Variants in VARS1 observed in about 807,000 individuals in gnomAD.
VARS1 encodes valyl-tRNA synthetase 1.
VARS1 carries 92 observed loss-of-function variants against 161.0 expected under a neutral mutation model. The observed-to-expected ratio is 0.57, with a 90% CI of 0.48 to 0.68. The LOEUF is 0.68. Ranked by LOEUF, VARS1 falls within the 30% of genes least tolerant of loss-of-function variation. VARS1 has a pLI of 0.00. For synonymous variants in VARS1, 595 were observed against 682.5 expected (o/e 0.87, Z 2.00); for missense variants, 1,338 against 1,695.9 (o/e 0.79, Z 3.71).
Position 31,792,199 on chromosome 6 carries a change from C to G in VARS1, c.871+18G>C. ...AGAAGGGGCTGCTGAGGGGTGAGCC[C>G]CTTCCCACTCCTAGTACCTTTCTTT... On this transcript the variant is annotated intron_variant, in intron 6 of 29. Coordinates refer to ENST00000375663, the MANE Select transcript of VARS1 (RefSeq NM_006295.3). 1 of 1,612,286 alleles carries G rather than the reference C, an allele frequency of 6.2e-7. No homozygotes were observed. The highest frequency in any genetic ancestry group is 1.1e-5 in the South Asian group (1 of 90,984).
intron 13 of VARS1, 37 bp from the exon 14 acceptor site, chr6:31,783,223 G>A (rs745517949): frequency 6.3e-7 from 1 of 1,599,968 alleles, no homozygotes; most frequent in South Asian, 1.1e-5. Flanking sequence ...CATGAAGCAG[G>A]GCCAGACGCC....
chr6:31,785,748 G>T lies in VARS1; in HGVS notation c.1101-15C>A. The T allele has an allele frequency of 6.2e-7, 1 of 1,603,078 alleles. No homozygotes were observed. Among genetic ancestry groups the T allele is most frequent in the South Asian group, 1.1e-5 (1 of 89,886 alleles). ...GCATGCGGTGCCTGTTAGGGGGCAT[G>T]GAGGACCAGAGGGTGAGCCAGGCCA... On this transcript the variant is annotated splice_polypyrimidine_tract_variant and intron_variant, in intron 8 of 29. Coordinates refer to ENST00000375663, the MANE Select transcript of VARS1 (RefSeq NM_006295.3). This position sits in a 1 kb window ranked among gnomAD's most constrained non-coding sequence, Gnocchi z 6.1.
At position 31,788,414 on chromosome 6, in the gene VARS1, C is replaced by T. The variant is rs192840425; in HGVS notation, c.1101-2681G>A. ...ACTCAGAAGGCTGAGGCAGGAGAAT[C>T]GCTTGAGCTCAGGAGGCAGAGGTTG... On this transcript the variant is annotated intron_variant, in intron 8 of 29. Coordinates refer to ENST00000375663, the MANE Select transcript of VARS1 (RefSeq NM_006295.3). Among the ~76,000 whole-genome samples, 93 of 143,582 alleles carry T rather than the reference C, an allele frequency of 6.5e-4. 1 individual carries two copies. Among genetic ancestry groups the T allele is most frequent in the Admixed American group, 2.0e-3 (28 of 14,256 alleles). 94.2% of individuals were successfully genotyped at this position (143,582 alleles called of 152,430 possible). A position where few individuals can be genotyped will look rare whatever the true frequency, so the allele number is the denominator to read the frequency against.
Position 31,791,877 on chromosome 6 carries a change from C to A in VARS1, c.966G>T (p.Glu322Asp). Residue 322 changes from glutamate (E) to aspartate (D), a missense_variant, in exon 7 of 30, where the codon GAG (glutamate) becomes GAT (aspartate). Physicochemically the swap from Glu to Asp is conservative, Grantham distance 45 (BLOSUM62 2). Transcript: ENST00000375663. The surrounding 1 kb of genome is among the most constrained non-coding windows in gnomAD (Gnocchi z 5.0). ...WWEQQGFFKP[E>D]YGRPNVSAAN... ...GGCAGCAGTGCCTACTCACCCCATACTCTGGCTTGAAGAAGCCCTGCTGCT... is the reference window on the plus strand; with the variant it reads ...GGCAGCAGTGCCTACTCACCCCATAATCTGGCTTGAAGAAGCCCTGCTGCT... 1 of 1,609,642 alleles carries A rather than the reference C, an allele frequency of 6.2e-7. No individual in the cohort carries two copies. The highest frequency in any genetic ancestry group is 1.1e-5 in the South Asian group (1 of 90,602).
At chr6:31,789,674 T>C (rs1264566228) in intron 8 of VARS1, among the ~76,000 whole-genome samples, 1 of 152,134 alleles carries the variant, frequency 6.6e-6, no homozygotes, top group African/African-American at 2.4e-5. Context: ...GGGTATCCAA[T>C]CTTTTGGCTT....
At position 31,780,320 on chromosome 6, in the gene VARS1, G is replaced by A; in HGVS notation, c.2925+121C>T. On this transcript the variant is annotated intron_variant, in intron 25 of 29. Transcript: ENST00000375663. The surrounding 1 kb of genome is among the most constrained non-coding windows in gnomAD (Gnocchi z 5.1). ...ACAGGCCCCAGCCCCCAATGCGCTG[G>A]GCTTTCCCTTTAACTGTCTGTCTCT... The A allele has an allele frequency of 6.5e-7, 1 of 1,530,032 alleles. No homozygotes were observed. Among genetic ancestry groups the A allele is most frequent in the South Asian group, 1.3e-5 (1 of 78,998 alleles). 94.8% of individuals were successfully genotyped at this position (1,530,032 alleles called of 1,614,324 possible).
At chr6:31,793,349 A>G (rs941118860) in intron 2 of VARS1, among the ~76,000 whole-genome samples, 4 of 150,010 alleles carry the variant, frequency 2.7e-5, no homozygotes, top group African/African-American at 9.9e-5. Flanking sequence ...TAAAAATACA[A>G]AAAAAAAATA....
rs1160593179 is a variant in VARS1 at position 31,791,535 on chromosome 6, C to CG, written c.1100+74dup. 175 of 1,527,120 alleles carry CG rather than the reference C, an allele frequency of 1.1e-4. 2 individuals carry two copies. Among genetic ancestry groups the CG allele is most frequent in the South Asian group, 1.1e-3 (84 of 77,022 alleles). The allele number at this position is 1,527,120 out of a possible 1,614,324, so 94.6% of individuals were successfully genotyped here. On this transcript the variant is annotated intron_variant, in intron 8 of 29. Transcript: ENST00000375663. The surrounding 1 kb of genome is among the most constrained non-coding windows in gnomAD (Gnocchi z 5.0). Reference sequence around the variant, plus strand: ...GCACCAACCCAGAAGGAGAGAGGCTCGGGGGGCTGTCAGGGAAAAGGAGAG... The same window carrying CG: ...GCACCAACCCAGAAGGAGAGAGGCTCGGGGGGGCTGTCAGGGAAAAGGAGAG...
chr6:31,778,967 CT>C lies in VARS1; in HGVS notation c.3725del (p.Lys1242SerfsTer?). The C allele has an allele frequency of 6.2e-7, 1 of 1,613,080 alleles. No homozygotes were observed. The highest frequency in any genetic ancestry group is 8.5e-7 in the Non-Finnish European group (1 of 1,180,044). On this transcript the variant is annotated frameshift_variant and splice_region_variant, in exon 29 of 30. Transcript: ENST00000375663. LOFTEE classifies it high-confidence loss of function. The surrounding 1 kb of genome is among the most constrained non-coding windows in gnomAD (Gnocchi z 5.1). ...GGAAATGCCCACCCAGGCCACACACCTTGGCTTCATCTGCCTCCTGGACTTC... is the reference window on the plus strand; with the variant it reads ...GGAAATGCCCACCCAGGCCACACACCTGGCTTCATCTGCCTCCTGGACTTC... ...PLEVQEADEA[K>X]LQQTEAELRK...
Position 31,779,252 on chromosome 6 carries a change from T to A in VARS1, c.3441A>T (p.Ala1147=). The A allele has an allele frequency of 6.2e-7, 1 of 1,604,904 alleles. No homozygotes were observed. The highest frequency in any genetic ancestry group is 8.5e-7 in the Non-Finnish European group (1 of 1,179,584). Residue 1147 remains alanine (A), a synonymous_variant, in exon 29 of 30, where the codon GCA becomes GCT. Transcript: ENST00000375663. The surrounding 1 kb of genome is among the most constrained non-coding windows in gnomAD (Gnocchi z 9.1). ...CCTGCACGTAGCCCGACACCGCCGA[T>A]GCCAGGGCGCCCGTGGCCTCATCCG... The part of the protein sequence containing the change: ...EVADEATGAL[A]SAVSGYVQAL...
In VARS1 at chr6:31,784,535, G is replaced by A; in HGVS notation, c.1468-33C>T. ...ATGGGTATTTAGAGGCGTGGCCCAG[G>A]GGCCAGGGCCAGGGCCAGGGTAGAT... On this transcript the variant is annotated intron_variant, in intron 11 of 29. Transcript: ENST00000375663. This position sits in a 1 kb window ranked among gnomAD's most constrained non-coding sequence, Gnocchi z 6.1. 6.2e-7 allele frequency: 1 copy of A among 1,613,558 alleles called. No individual in the cohort carries two copies.
At chr6:31,789,453 C>A (rs994610516) in intron 8 of VARS1, among the ~76,000 whole-genome samples, 1 of 152,108 alleles carries the variant, frequency 6.6e-6, no homozygotes, top group African/African-American at 2.4e-5. Flanking sequence ...AATTAGGCAA[C>A]CCTAATGCTC....
At position 31,779,839 on chromosome 6, in the gene VARS1, C is replaced by A; in HGVS notation, c.3082-25G>T. 1.2e-6 allele frequency: 2 copies of A among 1,612,020 alleles called. No homozygotes were observed. Among genetic ancestry groups the A allele is most frequent in the South Asian group, 1.1e-5 (1 of 91,036 alleles). On this transcript the variant is annotated intron_variant, in intron 26 of 29. Coordinates refer to ENST00000375663, the MANE Select transcript of VARS1 (RefSeq NM_006295.3). This position sits in a 1 kb window ranked among gnomAD's most constrained non-coding sequence, Gnocchi z 9.1. ...CCTAGGGGACGAGAGGTACAGGGCT[C>A]ACGGCTGGAGGTCTAGCCTTGAGCC...
chr6:31,781,034 A>G lies in VARS1; in HGVS notation c.2634T>C (p.Tyr878=). The G allele has an allele frequency of 6.2e-7, 1 of 1,614,038 alleles. No individual in the cohort carries two copies. The highest frequency in any genetic ancestry group is 8.5e-7 in the Non-Finnish European group (1 of 1,180,018). ...GNVIDPLDVI[Y]GISLQGLHNQ... ...CCCAGCCCACCTGCAGGGAGATTCC[A>G]TAGATGACGTCCAGGGGATCGATGA... The change falls in exon 22 of 30, where the codon TAT becomes TAC. Residue 878 remains tyrosine (Y), a synonymous_variant. Coordinates refer to ENST00000375663, the MANE Select transcript of VARS1 (RefSeq NM_006295.3). The surrounding 1 kb of genome is among the most constrained non-coding windows in gnomAD (Gnocchi z 6.8).
rs1813132022 is a variant in VARS1, at chr6:31,781,382, A to G, written c.2544+99T>C. The stretch of plus-strand genomic sequence containing the variant: ...CAGCCCCCGGGTCAGGCCTGCCCAC[A>G]GCTAACCCCATGCCCCAGCCACGCG... On this transcript the variant is annotated intron_variant, in intron 21 of 29. Coordinates refer to ENST00000375663, the MANE Select transcript of VARS1 (RefSeq NM_006295.3). The surrounding 1 kb of genome is among the most constrained non-coding windows in gnomAD (Gnocchi z 6.8). 1.3e-6 allele frequency: 2 copies of G among 1,512,522 alleles called. No individual in the cohort carries two copies. Among genetic ancestry groups the G allele is most frequent in the Non-Finnish European group, 1.8e-6 (2 of 1,129,360 alleles). The allele number at this position is 1,512,522 out of a possible 1,614,324, so 93.7% of individuals were successfully genotyped here. A position where few individuals can be genotyped will look rare whatever the true frequency, so the allele number is the denominator to read the frequency against.
At position 31,779,420 on chromosome 6, in the gene VARS1, C is replaced by A. The variant is rs778049035; in HGVS notation, c.3400+5G>T. Reference sequence around the variant, plus strand: ...ATGGGGCGGACATGGGGGCCTGAGGCTCACAGTCAGGCCGGATCCGGGTGA... The same window carrying A: ...ATGGGGCGGACATGGGGGCCTGAGGATCACAGTCAGGCCGGATCCGGGTGA... On this transcript the variant is annotated splice_donor_5th_base_variant and intron_variant, in intron 28 of 29. Transcript: ENST00000375663. This position sits in a 1 kb window ranked among gnomAD's most constrained non-coding sequence, Gnocchi z 9.1. 6.2e-7 allele frequency: 1 copy of A among 1,610,760 alleles called. No individual in the cohort carries two copies.
At chr6:31,788,511 C>A (rs924874335) in intron 8 of VARS1, among the ~76,000 whole-genome samples, 30 of 138,288 alleles carry the variant, frequency 2.2e-4, no homozygotes, top group African/African-American at 4.3e-4. Context: ...ACAAAAAAAA[C>A]AAAAAAAAAA....
Position 31,794,909 on chromosome 6 carries a change from G to C in VARS1, c.309C>G (p.Ala103=). ...AGGCAGCTGGTATTAACTCCGTGTC[G>C]GCGTAACTGACCCACTGTTGGACAA... is the stretch of plus-strand genomic sequence containing the variant. ...AVLVQQWVSY[A]DTELIPAACG... Residue 103 remains alanine (A), a synonymous_variant, in exon 2 of 30, where the codon GCC becomes GCG. Transcript: ENST00000375663. The C allele has an allele frequency of 2.5e-6, 4 of 1,612,814 alleles. No individual in the cohort carries two copies. Among genetic ancestry groups the C allele is most frequent in the Non-Finnish European group, 3.4e-6 (4 of 1,179,928 alleles).
Position 31,779,362 on chromosome 6 carries a change from C to T in VARS1, c.3400+63G>A, listed in dbSNP as rs1375040375. 1.2e-6 allele frequency: 2 copies of T among 1,603,282 alleles called. No homozygotes were observed. Among genetic ancestry groups the T allele is most frequent in the Admixed American group, 1.7e-5 (1 of 59,898 alleles). On this transcript the variant is annotated intron_variant, in intron 28 of 29. Transcript: ENST00000375663. The surrounding 1 kb of genome is among the most constrained non-coding windows in gnomAD (Gnocchi z 9.1). ...GAAACCAAGCAGTCACTGCCGGACA[C>T]TGGGTCCCAGAGTAGGCTGAGGGGA...
Sources: gnomAD v4.1 joint callset for allele counts (sites outside exome capture counted in the v4.1 genomes callset) on GRCh38, gnomAD v4.1.1 for gene constraint, Gnocchi (gnomAD v3.1) non-coding constraint, MANE v1.5 for transcripts, NCBI Gene and HGNC (gene_info 2026-07-23, HGNC 2026-07-21) for gene names.